Variants in CSTF1 observed in about 807,000 individuals in gnomAD.
The protein encoded by CSTF1 is cleavage stimulation factor subunit 1, also known as CF-1 50 kDa subunit.
Under a neutral mutation model 40.9 loss-of-function variants are expected in CSTF1, and 2 were observed. That is an observed-to-expected ratio of 0.05 (90% confidence interval 0.02 to 0.15). The LOEUF (loss-of-function observed/expected upper bound fraction) is 0.15, where lower values mean the gene tolerates loss of function less well. CSTF1 is among the 10% of genes least tolerant of loss of function. The pLI is 1.00. For synonymous variants in CSTF1, 218 were observed against 207.2 expected, an observed-to-expected ratio of 1.05 and a Z score of -0.45; for missense variants, 279 against 558.9, an observed-to-expected ratio of 0.50 and a Z score of 5.05.
intron 5 of CSTF1, among the ~76,000 whole-genome samples, chr20:56,403,249 C>CA (rs1303650278): frequency 6.6e-6 from 1 of 151,834 alleles, no homozygotes; most frequent in African/African-American, 2.4e-5. Flanking sequence ...CTCCTGGGCT[C>CA]AAGCAGCCCT....
At chr20:56,394,390 C>T (rs1236817223) in intron 1 of CSTF1, among the ~76,000 whole-genome samples, 1 of 152,140 alleles carries the variant, frequency 6.6e-6, no homozygotes, top group Non-Finnish European at 1.5e-5. Flanking sequence ...GTTTCGAGAC[C>T]AGCCTGGCCA....
chr20:56,401,599 A>G (rs1279050609), intron 5 of CSTF1, among the ~76,000 whole-genome samples: 1 of 152,212 alleles, frequency 6.6e-6, no homozygotes, highest in Non-Finnish European at 1.5e-5. Flanking sequence ...CATGCCCATA[A>G]AAGGATGTGT....
chr20:56,397,520 C>A lies in CSTF1; in HGVS notation c.447+36C>A, dbSNP rs1414600595. 6.2e-7 allele frequency: 1 copy of A among 1,604,884 alleles called. No homozygotes were observed. Reference sequence around the variant, plus strand: ...CAGTCACATACTTATTGATTGCCTTCTGTTTTTCATTTTTGGAAAAATGAG... The same window carrying A: ...CAGTCACATACTTATTGATTGCCTTATGTTTTTCATTTTTGGAAAAATGAG... On this transcript the variant is annotated intron_variant, in intron 3 of 5. Coordinates refer to ENST00000217109, the MANE Select transcript of CSTF1 (RefSeq NM_001324.3). The surrounding 1 kb of genome is among the most constrained non-coding windows in gnomAD (Gnocchi z 4.4).
chr20:56,394,206 A>G (rs1210187601), intron 1 of CSTF1, among the ~76,000 whole-genome samples: 1 of 152,270 alleles, frequency 6.6e-6, no homozygotes, highest in Non-Finnish European at 1.5e-5. Context: ...CTTACAAAGT[A>G]CTTAGCATGA....
At position 56,395,538 on chromosome 20, in the gene CSTF1, T is replaced by C; in HGVS notation, c.-15T>C. 1 of 1,607,608 alleles carries C rather than the reference T, an allele frequency of 6.2e-7. No homozygotes were observed. The highest frequency in any genetic ancestry group is 8.5e-7 in the Non-Finnish European group (1 of 1,175,898). On this transcript the variant is annotated 5_prime_UTR_variant, in exon 2 of 6. Coordinates refer to ENST00000217109, the MANE Select transcript of CSTF1 (RefSeq NM_001324.3). ...TTTTGCAGCTGGCAGGGAAACTGTC[T>C]TCCTTTTCTCCAAGATGTACAGAAC... is the stretch of plus-strand genomic sequence containing the variant.
rs1569117628 is a variant in CSTF1, at chr20:56,399,248, T to A, written c.927T>A (p.Val309=). 2 of 1,614,242 alleles carry A rather than the reference T, an allele frequency of 1.2e-6. No individual in the cohort carries two copies. Among genetic ancestry groups the A allele is most frequent in the Non-Finnish European group, 1.7e-6 (2 of 1,180,036 alleles). ...AGAAAGCACATGACGGTGCTGAAGTTTGTTCTGCCATTTTTTCCAAAAATT... is the reference window on the plus strand; with the variant it reads ...AGAAAGCACATGACGGTGCTGAAGTATGTTCTGCCATTTTTTCCAAAAATT... ...TFEKAHDGAE[V]CSAIFSKNSK... Residue 309 remains valine (V), a synonymous_variant, in exon 5 of 6, where the codon GTT becomes GTA. Coordinates refer to ENST00000217109, the MANE Select transcript of CSTF1 (RefSeq NM_001324.3). This position sits in a 1 kb window ranked among gnomAD's most constrained non-coding sequence, Gnocchi z 4.6.
intron 5 of CSTF1, 107 bp from the exon 6 acceptor site, chr20:56,403,361 G>A (rs1346484843): frequency 2.3e-6 from 3 of 1,285,188 alleles, no homozygotes; most frequent in Non-Finnish European, 2.2e-6. Context: ...AAGTGTACAA[G>A]GTGTATCACT....
At chr20:56,396,357 G>T (rs898854275) in intron 2 of CSTF1, among the ~76,000 whole-genome samples, 41 of 152,302 alleles carry the variant, frequency 2.7e-4, no homozygotes, top group African/African-American at 9.1e-4. Context: ...TTCTCCTGGG[G>T]AAATAAAATG....
intron 5 of CSTF1, among the ~76,000 whole-genome samples, chr20:56,400,137 C>A (rs1978389193): frequency 6.6e-6 from 1 of 152,072 alleles, no homozygotes; most frequent in African/African-American, 2.4e-5. Context: ...CAAAAAAAAT[C>A]ACAAGAAAAC....
intron 4 of CSTF1, among the ~76,000 whole-genome samples, chr20:56,398,764 A>G (rs1978333956): frequency 6.6e-6 from 1 of 152,270 alleles, no homozygotes; most frequent in Non-Finnish European, 1.5e-5. Flanking sequence ...TTGGAATAAT[A>G]TAACCAGTAA....
At chr20:56,393,494 C>A (rs1212214103) in intron 1 of CSTF1, among the ~76,000 whole-genome samples, 1 of 152,024 alleles carries the variant, frequency 6.6e-6, no homozygotes, top group African/African-American at 2.4e-5. Context: ...AAGAATCTCC[C>A]ATTTTTTTCG....
rs2146251095 is a variant in CSTF1 at position 56,404,046 on chromosome 20, A to T, written c.*319A>T. ...GATAGGGCATTAAAGTGCTTTTGACATGAGGAATTTTCATTTGGTTCTTCT... is the reference window on the plus strand; with the variant it reads ...GATAGGGCATTAAAGTGCTTTTGACTTGAGGAATTTTCATTTGGTTCTTCT... On this transcript the variant is annotated 3_prime_UTR_variant, in exon 6 of 6. Coordinates refer to ENST00000217109, the MANE Select transcript of CSTF1 (RefSeq NM_001324.3). 4.2e-6 allele frequency: 1 copy of T among 236,522 alleles called. No individual in the cohort carries two copies. Among genetic ancestry groups the T allele is most frequent in the South Asian group, 1.2e-4 (1 of 8,520 alleles). 14.7% of individuals were successfully genotyped at this position (236,522 alleles called of 1,614,324 possible).
chr20:56,400,996 G>A (rs577161309), intron 5 of CSTF1, among the ~76,000 whole-genome samples: 38 of 152,200 alleles, frequency 2.5e-4, no homozygotes, highest in African/African-American at 9.1e-4. Flanking sequence ...CCGAGATTGC[G>A]CTGCTGTACT....
chr20:56,399,332 G>A lies in CSTF1; in HGVS notation c.1011G>A (p.Thr337=), dbSNP rs769589410. ...DSVAKLWEIS[T]GRTLVRYTGA... The stretch of plus-strand genomic sequence containing the variant: ...TAGCTAAACTTTGGGAAATATCAAC[G>A]GGACGAACACTGGTCAGATACACGG... Residue 337 remains threonine, a synonymous_variant, in exon 5 of 6, where the codon ACG becomes ACA. Transcript: ENST00000217109. The surrounding 1 kb of genome is among the most constrained non-coding windows in gnomAD (Gnocchi z 4.6). 1.9e-5 allele frequency: 30 copies of A among 1,612,444 alleles called. No individual in the cohort carries two copies. The highest frequency in any genetic ancestry group is 2.2e-5 in the Non-Finnish European group (26 of 1,179,278).
chr20:56,395,254 C>G (rs1987483267), intron 1 of CSTF1, among the ~76,000 whole-genome samples: 1 of 152,134 alleles, frequency 6.6e-6, no homozygotes, highest in South Asian at 2.1e-4. Context: ...GAGATTGTAC[C>G]GTAAACACTG....
At chr20:56,395,433 C>A in intron 1 of CSTF1, 88 bp from the exon 2 acceptor site, 2 of 791,830 alleles carry the variant, frequency 2.5e-6, no homozygotes. Context: ...TTGAGTCCTG[C>A]AAGATTAAGT....
rs1428335072 is a variant in CSTF1, at chr20:56,404,289, T to A, written c.*562T>A. On this transcript the variant is annotated 3_prime_UTR_variant, in exon 6 of 6. Transcript: ENST00000217109. Reference sequence around the variant, plus strand: ...TTATATATTTTTCACTTCTGTAAAATTAATGGCCAGTTTTTCCTGACAATT... The same window carrying A: ...TTATATATTTTTCACTTCTGTAAAAATAATGGCCAGTTTTTCCTGACAATT... The A allele has an allele frequency of 6.6e-6, 1 of 152,426 alleles. No homozygotes were observed. The highest frequency in any genetic ancestry group is 1.5e-5 in the Non-Finnish European group (1 of 68,198). 9.4% of individuals were successfully genotyped at this position (152,426 alleles called of 1,614,324 possible).
At chr20:56,394,211 G>A (rs994352112) in intron 1 of CSTF1, among the ~76,000 whole-genome samples, 1 of 152,202 alleles carries the variant, frequency 6.6e-6, no homozygotes, top group Non-Finnish European at 1.5e-5. Flanking sequence ...AAAGTACTTA[G>A]CATGACGGTA....
Position 56,405,957 on chromosome 20 carries a change from T to C in CSTF1, c.*2230T>C, listed in dbSNP as rs1435461268. The C allele has an allele frequency of 6.6e-6, 1 of 152,262 alleles. No individual in the cohort carries two copies. Among genetic ancestry groups the C allele is most frequent in the South Asian group, 2.1e-4 (1 of 4,836 alleles). 9.4% of individuals were successfully genotyped at this position (152,262 alleles called of 1,614,324 possible). ...ACTAAAATGACCACATGGCACTCCA[T>C]TGAATCTTTTCAGTTGTTCACGAAT... On this transcript the variant is annotated 3_prime_UTR_variant, in exon 6 of 6. Coordinates refer to ENST00000217109, the MANE Select transcript of CSTF1 (RefSeq NM_001324.3).
Sources: allele counts gnomAD v4.1 joint callset (sites outside exome capture counted in the v4.1 genomes callset), GRCh38; gene constraint gnomAD v4.1.1; non-coding constraint Gnocchi (gnomAD v3.1); transcripts MANE v1.5; gene names NCBI Gene and HGNC (gene_info 2026-07-23, HGNC 2026-07-21).